The following GRAMD4 variants were observed in gnomAD, a reference collection of about 807,000 sequenced individuals.
GRAMD4 encodes the protein GRAM domain-containing protein 4.
A neutral mutation model predicts 83.9 loss-of-function variants in GRAMD4; 25 were observed. The ratio of observed to expected loss-of-function variants is 0.30; its 90% CI spans 0.22 to 0.42. The LOEUF is 0.42. Ranked by LOEUF, GRAMD4 falls within the 10% of genes least tolerant of loss-of-function variation. GRAMD4 has a pLI of 1.00. For synonymous variants in GRAMD4, 336 were observed against 320.9 expected (o/e 1.05, Z -0.50); for missense variants, 593 against 788.7 (o/e 0.75, Z 2.97).
At chr22:46,665,518 T>G (rs1256405836) in intron 8 of GRAMD4, 97 bp from the exon 9 acceptor site, 3 of 670,302 alleles carry the variant, frequency 4.5e-6, no homozygotes, top group Non-Finnish European at 8.1e-6. Flanking sequence ...TGGCCTGGTC[T>G]CCCCACTGGG....
At chr22:46,584,273 G>A (rs920871823) in intron 1 of GRAMD4, among the ~76,000 whole-genome samples, 1 of 152,074 alleles carries the variant, frequency 6.6e-6, no homozygotes, top group Non-Finnish European at 1.5e-5. Flanking sequence ...AGATCCAGGT[G>A]GCGGGTACGC....
intron 2 of GRAMD4, among the ~76,000 whole-genome samples, chr22:46,637,428 A>G (rs762803260): frequency 4.6e-5 from 7 of 151,798 alleles, no homozygotes; most frequent in Non-Finnish European, 8.8e-5. Context: ...AATTTTTCGT[A>G]TTTTTTAGTA....
Position 46,622,912 on chromosome 22 carries a change from TA to T in GRAMD4, c.-50+2366del, listed in dbSNP as rs1244826706. 0.23 allele frequency among the ~76,000 whole-genome samples: 24,972 copies of T among 110,212 alleles called. 2,673 individuals carry two copies. The highest frequency in any genetic ancestry group is 0.37 in the East Asian group (1,491 of 4,048). The allele number at this position is 110,212 out of a possible 152,430, so 72.3% of individuals were successfully genotyped here. ...GGGCGACAGAGCAAGACTCCATCTC[TA>T]AAAAAAAAAAAAAAAAAACTGATGA... On this transcript the variant is annotated intron_variant, in intron 1 of 18. Coordinates refer to ENST00000406902, the MANE Select transcript of GRAMD4 (RefSeq NM_015124.5). The surrounding 1 kb of genome is among the most constrained non-coding windows in gnomAD (Gnocchi z 4.0).
chr22:46,580,353 C>G (rs1249794183), intron 1 of GRAMD4, among the ~76,000 whole-genome samples: 3 of 152,238 alleles, frequency 2.0e-5, no homozygotes, highest in African/African-American at 7.2e-5. Flanking sequence ...GTCTCTTTGG[C>G]ACCACGGTGG....
rs1453245952 is a variant in GRAMD4, at chr22:46,580,811, C to CA, written c.-50+3527dup. ...GAAATCCCCACGTCTACTAAAAATA[C>CA]AAAAAATTAGCCGGGCGTGTTGGCG... On this transcript the variant is annotated intron_variant, in intron 1 of 1. Transcript: ENST00000431155. Among the ~76,000 whole-genome samples, 132 of 151,938 alleles carry CA rather than the reference C, an allele frequency of 8.7e-4. 1 individual carries two copies. Among genetic ancestry groups the CA allele is most frequent in the African/African-American group, 2.8e-3 (116 of 41,442 alleles).
chr22:46,640,257 G>A (rs2081956469), intron 3 of GRAMD4, among the ~76,000 whole-genome samples: 1 of 152,152 alleles, frequency 6.6e-6, no homozygotes, highest in African/African-American at 2.4e-5. Context: ...TCACTTTCAG[G>A]GAGCAGGTGC....
At chr22:46,626,717 C>T (rs940572327) in intron 1 of GRAMD4, 34 bp from the exon 2 acceptor site, 33 of 1,402,308 alleles carry the variant, frequency 2.4e-5, no homozygotes, top group Middle Eastern at 1.8e-4. Flanking sequence ...TTGGAGGTGG[C>T]GAGCGGGAGA....
At chr22:46,638,096 C>A in intron 3 of GRAMD4, 136 bp downstream of exon 3, 2 of 919,724 alleles carry the variant, frequency 2.2e-6, no homozygotes, top group Non-Finnish European at 3.3e-6. Flanking sequence ...GAGCCCTGGG[C>A]AGCTGTGGCT....
intron 2 of GRAMD4, among the ~76,000 whole-genome samples, chr22:46,627,873 G>C (rs536378333): frequency 1.3e-4 from 20 of 152,376 alleles, no homozygotes; most frequent in African/African-American, 4.6e-4. Context: ...TTGGCTTCCT[G>C]GGGCATCACT....
chr22:46,619,536 T>G (rs925935464), upstream of GRAMD4, among the ~76,000 whole-genome samples: 1 of 152,160 alleles, frequency 6.6e-6, no homozygotes, highest in African/African-American at 2.4e-5. Context: ...GTCACTGCAT[T>G]GCCCACCTCA....
At chr22:46,655,546 C>T (rs2082230602) in intron 3 of GRAMD4, among the ~76,000 whole-genome samples, 1 of 152,110 alleles carries the variant, frequency 6.6e-6, no homozygotes, top group Non-Finnish European at 1.5e-5. Flanking sequence ...GTGAAGGGCC[C>T]CCGCCCAAAT....
intron 1 of GRAMD4, among the ~76,000 whole-genome samples, chr22:46,589,006 C>T (rs1331895057): frequency 4.6e-5 from 7 of 152,050 alleles, no homozygotes; most frequent in Admixed American, 3.3e-4. Flanking sequence ...AACCACAGCT[C>T]GTAACTGTGG....
chr22:46,627,987 T>A (rs1296165367), intron 2 of GRAMD4, among the ~76,000 whole-genome samples: 1 of 152,172 alleles, frequency 6.6e-6, no homozygotes, highest in Non-Finnish European at 1.5e-5. Context: ...TCTGCCCTTG[T>A]GCAGGTTATG....
intron 1 of GRAMD4, among the ~76,000 whole-genome samples, chr22:46,586,785 C>T (rs1032987410): frequency 1.3e-5 from 2 of 152,186 alleles, no homozygotes; most frequent in African/African-American, 4.8e-5. Flanking sequence ...TGAGCAGTGA[C>T]AGCCTGCAGG....
chr22:46,609,309 C>T (rs539234195), intron 1 of GRAMD4, among the ~76,000 whole-genome samples: 9 of 152,336 alleles, frequency 5.9e-5, no homozygotes, highest in Non-Finnish European at 7.4e-5. Flanking sequence ...TCCTTAAACA[C>T]GGAAGGTGTT....
At chr22:46,644,734 T>A (rs1236022216) in intron 3 of GRAMD4, among the ~76,000 whole-genome samples, 3 of 100,066 alleles carry the variant, frequency 3.0e-5, no homozygotes, top group Non-Finnish European at 4.3e-5. Flanking sequence ...TTTTTTTTTT[T>A]ACTTTGTTTT....
intron 1 of GRAMD4, 55 bp from the exon 2 acceptor site, chr22:46,626,696 G>A (rs756282364): frequency 7.9e-5 from 92 of 1,166,460 alleles, no homozygotes; most frequent in Admixed American, 4.5e-4. Flanking sequence ...GTGGGAGCTG[G>A]CTCGTGGGGC....
Position 46,620,480 on chromosome 22 carries a change from TC to T in GRAMD4, c.-133del. The T allele has an allele frequency of 7.1e-6, 7 of 984,294 alleles. No homozygotes were observed. The highest frequency in any genetic ancestry group is 8.4e-6 in the Non-Finnish European group (7 of 829,494). 61.0% of individuals were successfully genotyped at this position (984,294 alleles called of 1,614,324 possible). On this transcript the variant is annotated 5_prime_UTR_variant, in exon 1 of 19. It removes the in-frame stop codon of an upstream open reading frame in the 5' UTR. Transcript: ENST00000406902. This position sits in a 1 kb window ranked among gnomAD's most constrained non-coding sequence, Gnocchi z 4.7. ...CGGCTTGGAGGCTATGGTTCCTGGG[TC>T]CTCGTAGCACATCCTGGTTCTGGGC...
At chr22:46,665,505 G>T (rs774394644) in intron 8 of GRAMD4, 110 bp from the exon 9 acceptor site, 8 of 629,838 alleles carry the variant, frequency 1.3e-5, no homozygotes, top group Admixed American at 4.7e-5. Context: ...GAGAGCCAGC[G>T]GGTGGCCTGG....
Sources: allele counts gnomAD v4.1 joint callset (sites outside exome capture counted in the v4.1 genomes callset), GRCh38; gene constraint gnomAD v4.1.1; non-coding constraint Gnocchi (gnomAD v3.1); transcripts MANE v1.5; gene names NCBI Gene and HGNC (gene_info 2026-07-23, HGNC 2026-07-21).